CAMKMT: variants seen among roughly 807,000 people sequenced by gnomAD.
The protein encoded by CAMKMT is calmodulin-lysine N-methyltransferase.
Under a neutral mutation model 48.0 loss-of-function variants are expected in CAMKMT, and 53 were observed. That is an observed-to-expected ratio of 1.10 (90% CI 0.89 to 1.39). The LOEUF (loss-of-function observed/expected upper bound fraction) is 1.39, where lower values mean the gene tolerates loss of function less well. Ranked by LOEUF, CAMKMT falls within the 40% of genes most tolerant of loss-of-function variation. The pLI is 0.00. For synonymous variants in CAMKMT, 165 were observed against 152.3 expected, an observed-to-expected ratio of 1.08 and a Z score of -0.61; for missense variants, 428 against 402.7, an observed-to-expected ratio of 1.06 and a Z score of -0.54.
intron 3 of CAMKMT, among the ~76,000 whole-genome samples, chr2:44,646,745 C>G (rs1007055250): frequency 6.6e-6 from 1 of 152,094 alleles, no homozygotes; most frequent in Non-Finnish European, 1.5e-5. Context: ...TCAAAGAAAA[C>G]CACCACCAGG....
intron 7 of CAMKMT, among the ~76,000 whole-genome samples, chr2:44,735,037 A>ATGTC (rs1679282885): frequency 6.6e-6 from 1 of 152,148 alleles, no homozygotes; most frequent in African/African-American, 2.4e-5. Context: ...AAGCTCTGTT[A>ATGTC]TTCAGTGCGT....
intron 7 of CAMKMT, among the ~76,000 whole-genome samples, chr2:44,739,379 A>G (rs79042823): frequency 6.6e-6 from 1 of 152,234 alleles, no homozygotes; most frequent in Non-Finnish European, 1.5e-5. Flanking sequence ...GGACTGTAAA[A>G]GAAAGAGTCA....
chr2:44,553,932 G>A (rs1327643762), intron 3 of CAMKMT, among the ~76,000 whole-genome samples: 1 of 152,084 alleles, frequency 6.6e-6, no homozygotes, highest in Non-Finnish European at 1.5e-5. Context: ...TGAGTATTCT[G>A]ATTCTATAAA....
At chr2:44,501,345 G>A (rs1036421252) in intron 3 of CAMKMT, among the ~76,000 whole-genome samples, 1 of 152,110 alleles carries the variant, frequency 6.6e-6, no homozygotes, top group Non-Finnish European at 1.5e-5. Context: ...CACTGGGTGA[G>A]ATAGAACTGT....
chr2:44,432,745 T>G (rs561651104), intron 3 of CAMKMT, among the ~76,000 whole-genome samples: 7 of 152,154 alleles, frequency 4.6e-5, no homozygotes, highest in Non-Finnish European at 1.0e-4. Flanking sequence ...TAACTCTTTC[T>G]TTGTAATAGA....
At chr2:44,758,918 T>G (rs1360531949) in intron 9 of CAMKMT, among the ~76,000 whole-genome samples, 1 of 152,216 alleles carries the variant, frequency 6.6e-6, no homozygotes, top group East Asian at 1.9e-4. Flanking sequence ...CCAGACAGCA[T>G]GAGTTTACTC....
In CAMKMT at chr2:44,409,894, C is replaced by T. The variant is rs142301266; in HGVS notation, c.376+19589C>T. ...ACCATGCTAGACAATCTGTTAGGTCCTGGGGTATAAAGAGAAATAATATCT... is the reference window on the plus strand; with the variant it reads ...ACCATGCTAGACAATCTGTTAGGTCTTGGGGTATAAAGAGAAATAATATCT... On this transcript the variant is annotated intron_variant, in intron 3 of 10. Transcript: ENST00000378494. Among the ~76,000 whole-genome samples, 162 of 152,018 alleles carry T rather than the reference C, an allele frequency of 1.1e-3. 1 individual carries two copies. Among genetic ancestry groups the T allele is most frequent in the African/African-American group, 3.8e-3 (159 of 41,448 alleles).
At chr2:44,685,073 C>T (rs925957589) in intron 3 of CAMKMT, among the ~76,000 whole-genome samples, 11 of 151,832 alleles carry the variant, frequency 7.2e-5, no homozygotes, top group East Asian at 1.9e-4. Flanking sequence ...AACATGCCCC[C>T]GAGAAGAAAA....
intron 3 of CAMKMT, among the ~76,000 whole-genome samples, chr2:44,491,790 T>A (rs1478178802): frequency 6.6e-6 from 1 of 152,220 alleles, no homozygotes; most frequent in African/African-American, 2.4e-5. Flanking sequence ...GGGCCCTTTT[T>A]AATTGGTAAC....
chr2:44,522,139 G>A (rs1489286596), intron 3 of CAMKMT, among the ~76,000 whole-genome samples: 1 of 151,968 alleles, frequency 6.6e-6, no homozygotes, highest in South Asian at 2.1e-4. Flanking sequence ...GAGTAGCTGG[G>A]ACTACAGGCA....
chr2:44,666,666 C>T (rs1261046620), intron 3 of CAMKMT, among the ~76,000 whole-genome samples: 1 of 148,972 alleles, frequency 6.7e-6, no homozygotes, highest in Non-Finnish European at 1.5e-5. Flanking sequence ...AGCTGGAATG[C>T]AGTGGCACAG....
At chr2:44,766,690 A>G (rs551766431) in intron 10 of CAMKMT, 129 bp downstream of exon 10, 1 of 934,292 alleles carries the variant, frequency 1.1e-6, no homozygotes, top group South Asian at 1.7e-5. Flanking sequence ...CTGAACAGCT[A>G]TTTGTATCTG....
intron 7 of CAMKMT, among the ~76,000 whole-genome samples, chr2:44,729,543 G>A (rs1274580674): frequency 2.6e-5 from 4 of 152,152 alleles, no homozygotes; most frequent in Non-Finnish European, 5.9e-5. Flanking sequence ...AGGTAGGTCA[G>A]GCAGATTGCA....
intron 3 of CAMKMT, among the ~76,000 whole-genome samples, chr2:44,647,477 A>G (rs1673798772): frequency 6.6e-6 from 1 of 152,158 alleles, no homozygotes. Flanking sequence ...CGCATGTGTT[A>G]TTTACATAGC....
At chr2:44,455,976 G>A (rs1277312969) in intron 3 of CAMKMT, among the ~76,000 whole-genome samples, 1 of 152,094 alleles carries the variant, frequency 6.6e-6, no homozygotes, top group Non-Finnish European at 1.5e-5. Flanking sequence ...TAAATATTAA[G>A]TAGCATGGGA....
rs1293217630 is a variant in CAMKMT, at chr2:44,611,998, A to G, written c.377-92285A>G. ...CCTCCCACCAGGCCCCACCTCCAGT[A>G]TTGTGGATCTCAACATGAGATTTCA... is the stretch of plus-strand genomic sequence containing the variant. On this transcript the variant is annotated intron_variant, in intron 3 of 10. Coordinates refer to ENST00000378494, the MANE Select transcript of CAMKMT (RefSeq NM_024766.5). Among the ~76,000 whole-genome samples the G allele has an allele frequency of 2.0e-5, 3 of 152,178 alleles. No individual in the cohort carries two copies. In the East Asian group the frequency reaches 5.8e-4, roughly 29 times the overall value.
intron 4 of CAMKMT, among the ~76,000 whole-genome samples, chr2:44,704,868 T>C (rs1282714298): frequency 1.3e-5 from 2 of 152,032 alleles, no homozygotes; most frequent in African/African-American, 4.8e-5. Context: ...CATTACGGAT[T>C]CATGCTACGG....
intron 3 of CAMKMT, among the ~76,000 whole-genome samples, chr2:44,455,879 A>G (rs698790): frequency 0.8 from 121,730 of 152,140 alleles, 49,187 homozygotes; most frequent in African/African-American, 0.91. Flanking sequence ...GTCCTTAATT[A>G]AAGGTTAAAG....
At position 44,580,541 on chromosome 2, in the gene CAMKMT, T is replaced by A. The variant is rs117241386; in HGVS notation, c.377-123742T>A. On this transcript the variant is annotated intron_variant, in intron 3 of 10. Transcript: ENST00000378494. ...TGACTTTTGTAAGATGTGAAAATAG[T>A]GTTTTTCACTAAATTGTCACTTATT... is the stretch of plus-strand genomic sequence containing the variant. 4.5e-4 allele frequency among the ~76,000 whole-genome samples: 69 copies of A among 152,304 alleles called. 2 individuals carry two copies. The East Asian group carries it at 0.013, about 28-fold the overall frequency.
Sources: allele counts gnomAD v4.1 joint callset (sites outside exome capture counted in the v4.1 genomes callset), GRCh38; gene constraint gnomAD v4.1.1; transcripts MANE v1.5; gene names NCBI Gene and HGNC (gene_info 2026-07-23, HGNC 2026-07-21).